The following SLC5A4 variants were observed in gnomAD, a reference collection of about 807,000 sequenced individuals.
SLC5A4 encodes probable glucose sensor protein SLC5A4.
Under a neutral mutation model 70.3 loss-of-function variants are expected in SLC5A4, and 55 were observed. That is an observed-to-expected ratio of 0.78 (90% CI 0.63 to 0.98). The LOEUF is 0.98. Ranked by LOEUF, SLC5A4 falls within the 50% of genes least tolerant of loss-of-function variation. The pLI, the probability that SLC5A4 is intolerant of heterozygous loss-of-function variation, is 0.00. For synonymous variants in SLC5A4, 268 were observed against 305.7 expected (o/e 0.88, Z 1.29); for missense variants, 735 against 839.2 (o/e 0.88, Z 1.53).
the SLC5A4 span, among the ~76,000 whole-genome samples, chr22:32,315,813 AAAG>A: frequency 0.21 from 18,364 of 88,410 alleles, 1,441 homozygotes; most frequent in East Asian, 0.45. Flanking sequence ...AAAAAAAAAA[AAAG>A]AGACTGGATC....
chr22:32,344,157 T>C, the SLC5A4 span, among the ~76,000 whole-genome samples: 1 of 152,094 alleles, frequency 6.6e-6, no homozygotes, highest in South Asian at 2.1e-4. Flanking sequence ...CATCGCTGGG[T>C]TCAACGTGTG....
the SLC5A4 span, among the ~76,000 whole-genome samples, chr22:32,302,027 G>C: frequency 6.6e-6 from 1 of 152,030 alleles, no homozygotes; most frequent in Non-Finnish European, 1.5e-5. Context: ...AAACTATAAA[G>C]TTCTTAGAAG....
upstream of SLC5A4, among the ~76,000 whole-genome samples, chr22:32,258,491 A>G (rs564381643): frequency 1.2e-4 from 19 of 152,294 alleles, no homozygotes; most frequent in South Asian, 3.5e-3. Flanking sequence ...AAATTGTTCA[A>G]CGTCACTAAT....
the SLC5A4 span, among the ~76,000 whole-genome samples, chr22:32,304,701 A>G: frequency 4.6e-5 from 7 of 152,234 alleles, no homozygotes; most frequent in Non-Finnish European, 1.0e-4. Flanking sequence ...TTCTCTTGAT[A>G]GTATTTCACA....
At chr22:32,272,343 G>T in the SLC5A4 span, 1 of 840,468 alleles carries the variant, frequency 1.2e-6, no homozygotes, top group Admixed American at 1.9e-5. Flanking sequence ...AAGGCCACCT[G>T]GTGTCGGCCA....
At chr22:32,243,480 G>A (rs1603233095) in intron 5 of SLC5A4, among the ~76,000 whole-genome samples, 1 of 152,148 alleles carries the variant, frequency 6.6e-6, no homozygotes, top group Non-Finnish European at 1.5e-5. Flanking sequence ...TCCATGTTAT[G>A]TTTACTTGAG....
At chr22:32,282,948 C>G in the SLC5A4 span, among the ~76,000 whole-genome samples, 2 of 152,240 alleles carry the variant, frequency 1.3e-5, no homozygotes, top group Non-Finnish European at 2.9e-5. Context: ...GCAGTCTGCT[C>G]TCAGCACTGC....
At chr22:32,257,514 C>G (rs1227764274), upstream of SLC5A4, among the ~76,000 whole-genome samples, 1 of 152,068 alleles carries the variant, frequency 6.6e-6, no homozygotes, top group Non-Finnish European at 1.5e-5. Flanking sequence ...GCCACCCATG[C>G]CTGGCTAACT....
At chr22:32,323,263 C>G in the SLC5A4 span, among the ~76,000 whole-genome samples, 1 of 152,188 alleles carries the variant, frequency 6.6e-6, no homozygotes, top group African/African-American at 2.4e-5. Context: ...CCCTCCCCTG[C>G]ATGCTTTTCA....
chr22:32,299,685 C>G, the SLC5A4 span, among the ~76,000 whole-genome samples: 1 of 102,716 alleles, frequency 9.7e-6, no homozygotes, highest in Non-Finnish European at 2.1e-5. Context: ...CAGCTTTGTT[C>G]CGTTGCTGGT....
chr22:32,288,553 T>C, the SLC5A4 span, among the ~76,000 whole-genome samples: 1 of 150,470 alleles, frequency 6.6e-6, no homozygotes, highest in Non-Finnish European at 1.5e-5. Context: ...TGTTTTTTTC[T>C]TTTTTTTGTT....
rs543522106 is a variant in SLC5A4 at position 32,233,795 on chromosome 22, C to T, written c.886-761G>A. On this transcript the variant is annotated intron_variant, in intron 8 of 14. Transcript: ENST00000266086. ...TAGGCAACATAGTGAGACCCTGTCT[C>T]TATTTAAAAAATAATGTTTTTAAAA... 2.0e-5 allele frequency among the ~76,000 whole-genome samples: 3 copies of T among 150,180 alleles called. No homozygotes were observed. In the South Asian group the frequency reaches 6.3e-4, roughly 31 times the overall value.
upstream of SLC5A4, among the ~76,000 whole-genome samples, chr22:32,257,211 A>G (rs1054589985): frequency 1.3e-5 from 2 of 152,154 alleles, no homozygotes; most frequent in Non-Finnish European, 2.9e-5. Flanking sequence ...ATCTTCTTGG[A>G]GAGAGATATA....
the SLC5A4 span, among the ~76,000 whole-genome samples, chr22:32,327,827 G>A: frequency 6.6e-6 from 1 of 152,170 alleles, no homozygotes; most frequent in Non-Finnish European, 1.5e-5. Context: ...GGTCCCTGGA[G>A]CCCTGCCGGC....
chr22:32,347,469 T>C, the SLC5A4 span, among the ~76,000 whole-genome samples: 1 of 151,982 alleles, frequency 6.6e-6, no homozygotes, highest in Non-Finnish European at 1.5e-5. Flanking sequence ...TGTCCAACAA[T>C]GATAGACTGG....
rs762767024 is a variant in SLC5A4 at position 32,251,847 on chromosome 22, T to C, written c.235A>G (p.Ile79Val). 27 of 1,613,872 alleles carry C rather than the reference T, an allele frequency of 1.7e-5. No individual in the cohort carries two copies. The highest frequency in any genetic ancestry group is 2.2e-5 in the Non-Finnish European group (26 of 1,179,864). Reference sequence around the variant, plus strand: ...AGCCCCACATAGTGGTTGCTGCCGATGTTACTGGCAAAGAGAGAGGCGCCC... The same window carrying C: ...AGCCCCACATAGTGGTTGCTGCCGACGTTACTGGCAAAGAGAGAGGCGCCC... ...PMGASLFASN[I>V]GSNHYVGLAG... The change falls in exon 3 of 15, where the codon ATC (isoleucine) becomes GTC (valine). Residue 79 changes from isoleucine (I) to valine (V), a missense_variant. Physicochemically the swap from Ile to Val is conservative, Grantham distance 29. Transcript: ENST00000266086.
At chr22:32,257,469 C>T (rs1569386534), upstream of SLC5A4, among the ~76,000 whole-genome samples, 1 of 152,118 alleles carries the variant, frequency 6.6e-6, no homozygotes, top group Non-Finnish European at 1.5e-5. Context: ...ATCCTCCCAT[C>T]TCAGCCTCCA....
At chr22:32,316,351 T>C in the SLC5A4 span, among the ~76,000 whole-genome samples, 1 of 152,062 alleles carries the variant, frequency 6.6e-6, no homozygotes, top group Non-Finnish European at 1.5e-5. Context: ...AAAGCTGAAG[T>C]CAGGGCAAAA....
chr22:32,299,051 A>T, the SLC5A4 span, among the ~76,000 whole-genome samples: 1 of 141,968 alleles, frequency 7.0e-6, no homozygotes, highest in Non-Finnish European at 1.5e-5. Context: ...CTTCCCTTTG[A>T]GGGTAACCCG....
Sources: gnomAD v4.1 joint callset for allele counts (sites outside exome capture counted in the v4.1 genomes callset) on GRCh38, gnomAD v4.1.1 for gene constraint, MANE v1.5 for transcripts, NCBI Gene and HGNC (gene_info 2026-07-23, HGNC 2026-07-21) for gene names.